Variants in FLT3 observed in about 807,000 individuals in gnomAD.
FLT3 encodes fms related receptor tyrosine kinase 3.
Under a neutral mutation model 126.6 loss-of-function variants are expected in FLT3, and 46 were observed. The ratio of observed to expected loss-of-function variants is 0.36; its 90% CI spans 0.29 to 0.46. The LOEUF (loss-of-function observed/expected upper bound fraction) is 0.46, where lower values mean the gene tolerates loss of function less well. Ranked by LOEUF, FLT3 falls within the 20% of genes least tolerant of loss-of-function variation. FLT3 has a pLI of 1.00. For synonymous variants in FLT3, 404 were observed against 434.4 expected (o/e 0.93, Z 0.87); for missense variants, 1,069 against 1,190.3 (o/e 0.90, Z 1.50).
intron 9 of FLT3, among the ~76,000 whole-genome samples, chr13:28,038,748 C>T (rs1248033976): frequency 2.0e-5 from 3 of 152,198 alleles, no homozygotes; most frequent in East Asian, 1.9e-4. Flanking sequence ...CCACTGCGCC[C>T]AGCCTAGCCT....
At chr13:28,091,290 C>T (rs892476558) in intron 1 of FLT3, among the ~76,000 whole-genome samples, 11 of 121,874 alleles carry the variant, frequency 9.0e-5, no homozygotes, top group African/African-American at 1.3e-4. Flanking sequence ...GGCGCGATCT[C>T]GGCTCACTGC....
chr13:28,010,531 A>G (rs1871262683), intron 23 of FLT3, among the ~76,000 whole-genome samples: 1 of 152,238 alleles, frequency 6.6e-6, no homozygotes, highest in Non-Finnish European at 1.5e-5. Flanking sequence ...AAAAATCTTC[A>G]TCGGTTCACC....
intron 15 of FLT3, among the ~76,000 whole-genome samples, chr13:28,031,783 C>T (rs1873372214): frequency 6.6e-6 from 1 of 152,088 alleles, no homozygotes; most frequent in South Asian, 2.1e-4. Context: ...TCTGGGGTGC[C>T]GAGAGCAAGA....
At chr13:28,084,904 G>A (rs1369182173) in intron 1 of FLT3, among the ~76,000 whole-genome samples, 2 of 151,126 alleles carry the variant, frequency 1.3e-5, no homozygotes, top group South Asian at 4.2e-4. Flanking sequence ...GAACCCGGGA[G>A]GCGGAGCTTG....
intron 21 of FLT3, 29 bp from the exon 22 acceptor site, chr13:28,015,285 A>C (rs771100488): frequency 2.2e-6 from 3 of 1,346,562 alleles, no homozygotes; most frequent in Non-Finnish European, 3.2e-6. Context: ...AATTGCAGCC[A>C]TTCATCCATT....
At chr13:28,074,449 T>C (rs1202243534) in intron 1 of FLT3, among the ~76,000 whole-genome samples, 1 of 152,126 alleles carries the variant, frequency 6.6e-6, no homozygotes, top group Non-Finnish European at 1.5e-5. Flanking sequence ...GCCTAGGTTA[T>C]ATGGTCAGTG....
intron 17 of FLT3, among the ~76,000 whole-genome samples, chr13:28,026,088 T>G (rs1482773029): frequency 6.6e-6 from 1 of 152,096 alleles, no homozygotes; most frequent in African/African-American, 2.4e-5. Flanking sequence ...CGGTGGCTCA[T>G]GCCTATAATT....
At chr13:28,042,188 T>TAATAATA in intron 9 of FLT3, among the ~76,000 whole-genome samples, 1 of 136,702 alleles carries the variant, frequency 7.3e-6, no homozygotes, top group Non-Finnish European at 1.6e-5. Context: ...ATAATAATAA[T>TAATAATA]AAATAAAAAT....
In FLT3 at chr13:28,005,605, C is replaced by T. The variant is rs191220849; in HGVS notation, c.2860-1431G>A. Among the ~76,000 whole-genome samples, 359 of 151,928 alleles carry T rather than the reference C, an allele frequency of 2.4e-3. 3 individuals are homozygous for T. The highest frequency in any genetic ancestry group is 5.0e-3 in the South Asian group (24 of 4,810). ...TTAACCTTTTGACCAACTGGTTATA[C>T]GAAACAAACTGAAAAGTGCACACTC... On this transcript the variant is annotated intron_variant, in intron 23 of 23. Coordinates refer to ENST00000241453, the MANE Select transcript of FLT3 (RefSeq NM_004119.3).
chr13:28,041,308 G>A (rs1555255195), intron 9 of FLT3, among the ~76,000 whole-genome samples: 1 of 152,148 alleles, frequency 6.6e-6, no homozygotes, highest in Non-Finnish European at 1.5e-5. Flanking sequence ...CCCTGAAAAA[G>A]GAGAAGAGAG....
chr13:28,088,656 G>A (rs1211710525), intron 1 of FLT3, among the ~76,000 whole-genome samples: 2 of 146,668 alleles, frequency 1.4e-5, no homozygotes, highest in East Asian at 4.0e-4. Flanking sequence ...TGCGATCTTG[G>A]CTCACTGCAA....
At chr13:28,008,237 TC>T (rs1871080497) in intron 23 of FLT3, among the ~76,000 whole-genome samples, 1 of 128,364 alleles carries the variant, frequency 7.8e-6, no homozygotes, top group South Asian at 2.5e-4. Context: ...ATCGCTTGAT[TC>T]CAGGAATTTG....
In FLT3 at chr13:28,024,959, GT is replaced by G. The variant is rs1313804930; in HGVS notation, c.2208-17del. On this transcript the variant is annotated splice_polypyrimidine_tract_variant and intron_variant, in intron 17 of 23. Transcript: ENST00000241453. Reference sequence around the variant, plus strand: ...ACCAGGCATGCTATTAAAAAATTTTGTTTTTTCATTATTTACATTATTCTTC... The same window carrying G: ...ACCAGGCATGCTATTAAAAAATTTTGTTTTTCATTATTTACATTATTCTTC... 3.9e-6 allele frequency: 6 copies of G among 1,529,826 alleles called. No homozygotes were observed. Among genetic ancestry groups the G allele is most frequent in the Admixed American group, 1.8e-5 (1 of 55,726 alleles). 94.8% of individuals were successfully genotyped at this position (1,529,826 alleles called of 1,614,324 possible).
chr13:28,020,295 C>T (rs1872269180), intron 19 of FLT3, among the ~76,000 whole-genome samples: 2 of 152,142 alleles, frequency 1.3e-5, no homozygotes, highest in African/African-American at 2.4e-5. Flanking sequence ...CCAGAACTTA[C>T]TTCAGTCACA....
intron 1 of FLT3, among the ~76,000 whole-genome samples, chr13:28,073,811 G>A (rs73156237): frequency 0.15 from 23,320 of 151,502 alleles, 2,018 homozygotes; most frequent in Middle Eastern, 0.26. Flanking sequence ...GTGGTGGCAC[G>A]AGCCTGAAGT....
At chr13:28,091,369 C>A (rs922954528) in intron 1 of FLT3, among the ~76,000 whole-genome samples, 1 of 149,080 alleles carries the variant, frequency 6.7e-6, no homozygotes, top group Non-Finnish European at 1.5e-5. Flanking sequence ...CTACAGGCGC[C>A]CGCCACCACG....
intron 5 of FLT3, among the ~76,000 whole-genome samples, chr13:28,051,831 C>T (rs1043733225): frequency 1.3e-5 from 2 of 151,966 alleles, no homozygotes; most frequent in African/African-American, 4.8e-5. Context: ...CAGACGTGAG[C>T]CACTGTGCCC....
At chr13:28,024,808 A>G in intron 18 of FLT3, 53 bp downstream of exon 18, 2 of 1,196,218 alleles carry the variant, frequency 1.7e-6, no homozygotes, top group Non-Finnish European at 2.4e-6. Flanking sequence ...CTAACATAAA[A>G]CTTTTGCATT....
At chr13:28,072,810 T>C (rs1371765243) in intron 1 of FLT3, among the ~76,000 whole-genome samples, 9 of 150,992 alleles carry the variant, frequency 6.0e-5, no homozygotes, top group African/African-American at 2.2e-4. Context: ...GAGACCATCC[T>C]GGCTAACGTG....
Sources: gnomAD v4.1 joint callset for allele counts (sites outside exome capture counted in the v4.1 genomes callset) on GRCh38, gnomAD v4.1.1 for gene constraint, MANE v1.5 for transcripts, NCBI Gene and HGNC (gene_info 2026-07-23, HGNC 2026-07-21) for gene names.